Variants in SDHAF1 observed in about 807,000 individuals in gnomAD.
SDHAF1 encodes succinate dehydrogenase assembly factor 1, mitochondrial.
For missense variants in SDHAF1, 198 were observed against 179.0 expected, an observed-to-expected ratio of 1.11 and a Z score of -0.61; for synonymous variants, 81 against 85.8, an observed-to-expected ratio of 0.94 and a Z score of 0.31.
At position 35,995,405 on chromosome 19, in the gene SDHAF1, G is replaced by A. The variant is rs781733336; in HGVS notation, c.131G>A (p.Arg44Gln). Residue 44 changes from arginine to glutamine, a missense_variant, in exon 1 of 1, where the codon CGG becomes CAG. Physicochemically the swap from Arg to Gln is conservative, Grantham distance 43. Transcript: ENST00000378887. Reference protein sequence around the residue: ...AEFRQHAGLPRSDVLRIEYLY... With the variant: ...AEFRQHAGLPQSDVLRIEYLY... The stretch of plus-strand genomic sequence containing the variant: ...TTCCGGCAGCATGCGGGCCTGCCGC[G>A]GTCCGACGTGCTGCGCATCGAGTAC... 1.3e-6 allele frequency: 2 copies of A among 1,565,152 alleles called. No individual in the cohort carries two copies. Among genetic ancestry groups the A allele is most frequent in the Non-Finnish European group, 8.6e-7 (1 of 1,163,536 alleles).
Position 35,995,519 on chromosome 19 carries a change from C to T in SDHAF1, c.245C>T (p.Thr82Ile). ...MGAFVRPRAP[T>I]GEPGGVGCQP... ...GCCTTCGTACGCCCGCGGGCCCCGA[C>T]CGGGGAGCCTGGCGGCGTGGGTTGC... Residue 82 changes from threonine to isoleucine, a missense_variant, in exon 1 of 1, where the codon ACC becomes ATC. Transcript: ENST00000378887. The T allele has an allele frequency of 6.5e-7, 1 of 1,534,528 alleles. No individual in the cohort carries two copies. Among genetic ancestry groups the T allele is most frequent in the Non-Finnish European group, 8.7e-7 (1 of 1,146,086 alleles).
Position 35,995,643 on chromosome 19 carries a change from C to T in SDHAF1, c.*21C>T. 2 of 1,529,424 alleles carry T rather than the reference C, an allele frequency of 1.3e-6. No individual in the cohort carries two copies. Among genetic ancestry groups the T allele is most frequent in the South Asian group, 1.2e-5 (1 of 83,604 alleles). 94.7% of individuals were successfully genotyped at this position (1,529,424 alleles called of 1,614,324 possible). A position where few individuals can be genotyped will look rare whatever the true frequency, so the allele number is the denominator to read the frequency against. On this transcript the variant is annotated 3_prime_UTR_variant, in exon 1 of 1. Coordinates refer to ENST00000378887, the MANE Select transcript of SDHAF1 (RefSeq NM_001042631.3). ...GGTGACAGGCGAAGAGCCGAACTCG[C>T]TCGATGGCGTGGTGGAGCCAGGAGG...
chr19:35,995,403 G>C lies in SDHAF1; in HGVS notation c.129G>C (p.Pro43=). 1 of 1,564,530 alleles carries C rather than the reference G, an allele frequency of 6.4e-7. No individual in the cohort carries two copies. The highest frequency in any genetic ancestry group is 1.1e-5 in the South Asian group (1 of 87,408). Residue 43 remains proline, a synonymous_variant, in exon 1 of 1, where the codon CCG becomes CCC. Transcript: ENST00000378887. Reference sequence around the variant, plus strand: ...AGTTCCGGCAGCATGCGGGCCTGCCGCGGTCCGACGTGCTGCGCATCGAGT... The same window carrying C: ...AGTTCCGGCAGCATGCGGGCCTGCCCCGGTCCGACGTGCTGCGCATCGAGT... ...RAEFRQHAGL[P]RSDVLRIEYL...
Position 35,995,787 on chromosome 19 carries a change from G to T in SDHAF1, c.*165G>T. On this transcript the variant is annotated 3_prime_UTR_variant, in exon 1 of 1. Transcript: ENST00000378887. ...CTTGGCGACGCAGGGGGCCTAGAGA[G>T]CCCCGTGATGGACGGCAAGGGAGGC... 1.6e-6 allele frequency: 1 copy of T among 616,076 alleles called. No homozygotes were observed. The highest frequency in any genetic ancestry group is 2.0e-5 in the South Asian group (1 of 48,906). The allele number at this position is 616,076 out of a possible 1,614,324, so 38.2% of individuals were successfully genotyped here. A position where few individuals can be genotyped will look rare whatever the true frequency, so the allele number is the denominator to read the frequency against.
chr19:35,995,693 G>C lies in SDHAF1; in HGVS notation c.*71G>C, dbSNP rs1156694751. On this transcript the variant is annotated 3_prime_UTR_variant, in exon 1 of 1. Coordinates refer to ENST00000378887, the MANE Select transcript of SDHAF1 (RefSeq NM_001042631.3). Reference sequence around the variant, plus strand: ...GCTCGCCTGACTGCATGGGGGGACTGGGGAACCCGCCTAAGGTGAGAGGTC... The same window carrying C: ...GCTCGCCTGACTGCATGGGGGGACTCGGGAACCCGCCTAAGGTGAGAGGTC... 4.9e-6 allele frequency: 6 copies of C among 1,218,626 alleles called. No homozygotes were observed. The highest frequency in any genetic ancestry group is 7.1e-6 in the Non-Finnish European group (6 of 846,284). The allele number at this position is 1,218,626 out of a possible 1,614,324, so 75.5% of individuals were successfully genotyped here.
In SDHAF1 at chr19:35,995,493, C is replaced by T. The variant is rs778625352; in HGVS notation, c.219C>T (p.Gly73=). 2.6e-6 allele frequency: 4 copies of T among 1,540,840 alleles called. No individual in the cohort carries two copies. Among genetic ancestry groups the T allele is most frequent in the Non-Finnish European group, 3.5e-6 (4 of 1,150,390 alleles). ...GCTCGGGCCACGCCACCGCCATGGG[C>T]GCCTTCGTACGCCCGCGGGCCCCGA... is the stretch of plus-strand genomic sequence containing the variant. ...LLRSGHATAM[G]AFVRPRAPTG... The change falls in exon 1 of 1, where the codon GGC becomes GGT. Residue 73 remains glycine (G), a synonymous_variant. Coordinates refer to ENST00000378887, the MANE Select transcript of SDHAF1 (RefSeq NM_001042631.3).
rs943784598 is a variant in SDHAF1 at position 35,995,946 on chromosome 19, C to T, written c.*324C>T. ...CGAAGGTACGGGGAGCCAGGACGAC[C>T]CCCGGTGGACAGGGAGAGCCTGAGA... On this transcript the variant is annotated 3_prime_UTR_variant, in exon 1 of 1. Transcript: ENST00000378887. The T allele has an allele frequency of 9.9e-6, 4 of 402,254 alleles. No homozygotes were observed. The Admixed American group carries it at 1.4e-4, about 14-fold the overall frequency. The allele number at this position is 402,254 out of a possible 1,614,324, so 24.9% of individuals were successfully genotyped here.
In SDHAF1 at chr19:35,995,999, A is replaced by T. The variant is rs1393096182; in HGVS notation, c.*377A>T. The T allele has an allele frequency of 3.9e-6, 1 of 257,974 alleles. No individual in the cohort carries two copies. Among genetic ancestry groups the T allele is most frequent in the Non-Finnish European group, 8.0e-6 (1 of 124,772 alleles). 16.0% of individuals were successfully genotyped at this position (257,974 alleles called of 1,614,324 possible). On this transcript the variant is annotated 3_prime_UTR_variant, in exon 1 of 1. Transcript: ENST00000378887. ...CCCTTCTCTTGACCCCTGAGAACAT[A>T]CCCACTTCTGGCTCCTCAAGGAGTC... is the stretch of plus-strand genomic sequence containing the variant.
chr19:35,995,217 G>A lies in SDHAF1; in HGVS notation c.-58G>A. On this transcript the variant is annotated 5_prime_UTR_variant, in exon 1 of 1. In the 5' UTR this introduces an upstream ATG that the reference lacks. Transcript: ENST00000378887. Reference sequence around the variant, plus strand: ...CTTTGCCCTTTGGCCTTTGCTGGCTGTGTGGCGGCTCCGCGGTTCGCAGGT... The same window carrying A: ...CTTTGCCCTTTGGCCTTTGCTGGCTATGTGGCGGCTCCGCGGTTCGCAGGT... The A allele has an allele frequency of 7.8e-7, 1 of 1,285,160 alleles. No individual in the cohort carries two copies. The highest frequency in any genetic ancestry group is 1.1e-6 in the Non-Finnish European group (1 of 928,372). The allele number at this position is 1,285,160 out of a possible 1,614,324, so 79.6% of individuals were successfully genotyped here.
In SDHAF1 at chr19:35,995,383, C is replaced by T. The variant is rs779371180; in HGVS notation, c.109C>T (p.Arg37Trp). Residue 37 changes from arginine to tryptophan, a missense_variant, in exon 1 of 1, where the codon CGG (arginine) becomes TGG (tryptophan). By Grantham distance (101) the Arg-to-Trp change is moderately radical. Transcript: ENST00000378887. ...GAEARVRAEF[R>W]QHAGLPRSDV... ...CGAGGCGCGAGTGCGGGCAGAGTTC[C>T]GGCAGCATGCGGGCCTGCCGCGGTC... is the stretch of plus-strand genomic sequence containing the variant. The T allele has an allele frequency of 1.7e-5, 27 of 1,558,670 alleles. 1 individual carries two copies. The highest frequency in any genetic ancestry group is 1.9e-4 in the Middle Eastern group (1 of 5,210).
At position 35,995,631 on chromosome 19, in the gene SDHAF1, G is replaced by A. The variant is rs758077415; in HGVS notation, c.*9G>A. On this transcript the variant is annotated 3_prime_UTR_variant, in exon 1 of 1. Transcript: ENST00000378887. ...GCCCCGACGGACGGTGACAGGCGAAGAGCCGAACTCGCTCGATGGCGTGGT... is the reference window on the plus strand; with the variant it reads ...GCCCCGACGGACGGTGACAGGCGAAAAGCCGAACTCGCTCGATGGCGTGGT... 6.5e-7 allele frequency: 1 copy of A among 1,543,674 alleles called. No homozygotes were observed. Among genetic ancestry groups the A allele is most frequent in the African/African-American group, 1.4e-5 (1 of 72,766 alleles).
Position 35,995,428 on chromosome 19 carries a change from T to G in SDHAF1, c.154T>G (p.Tyr52Asp). The G allele has an allele frequency of 6.4e-7, 1 of 1,571,124 alleles. No homozygotes were observed. The highest frequency in any genetic ancestry group is 8.6e-7 in the Non-Finnish European group (1 of 1,166,448). The part of the protein sequence containing the change: ...LPRSDVLRIE[Y>D]LYRRGRRQLQ... ...GCGGTCCGACGTGCTGCGCATCGAG[T>G]ACCTGTACCGCCGCGGGCGGCGCCA... The change falls in exon 1 of 1, where the codon TAC (tyrosine) becomes GAC (aspartate). Residue 52 changes from tyrosine (Y) to aspartate (D), a missense_variant. Tyr to Asp is a radical substitution (Grantham distance 160). Transcript: ENST00000378887.
Position 35,995,921 on chromosome 19 carries a change from C to A in SDHAF1, c.*299C>A. On this transcript the variant is annotated 3_prime_UTR_variant, in exon 1 of 1. Coordinates refer to ENST00000378887, the MANE Select transcript of SDHAF1 (RefSeq NM_001042631.3). ...AGTGTCAAGCCAAGAGCTACTTGCC[C>A]GAAGGTACGGGGAGCCAGGACGACC... 1 of 447,288 alleles carries A rather than the reference C, an allele frequency of 2.2e-6. No homozygotes were observed. Among genetic ancestry groups the A allele is most frequent in the Admixed American group, 4.3e-5 (1 of 23,390 alleles). 27.7% of individuals were successfully genotyped at this position (447,288 alleles called of 1,614,324 possible). A position where few individuals can be genotyped will look rare whatever the true frequency, so the allele number is the denominator to read the frequency against.
Position 35,995,645 on chromosome 19 carries a change from C to T in SDHAF1, c.*23C>T, listed in dbSNP as rs541034058. Reference sequence around the variant, plus strand: ...TGACAGGCGAAGAGCCGAACTCGCTCGATGGCGTGGTGGAGCCAGGAGGCT... The same window carrying T: ...TGACAGGCGAAGAGCCGAACTCGCTTGATGGCGTGGTGGAGCCAGGAGGCT... On this transcript the variant is annotated 3_prime_UTR_variant, in exon 1 of 1. Transcript: ENST00000378887. 11 of 1,526,944 alleles carry T rather than the reference C, an allele frequency of 7.2e-6. No homozygotes were observed. In the South Asian group the frequency reaches 1.1e-4, roughly 15 times the overall value. 94.6% of individuals were successfully genotyped at this position (1,526,944 alleles called of 1,614,324 possible).
chr19:35,995,216 T>A lies in SDHAF1; in HGVS notation c.-59T>A, dbSNP rs1236478629. 2.4e-6 allele frequency: 3 copies of A among 1,273,284 alleles called. No individual in the cohort carries two copies. In the Admixed American group the frequency reaches 6.2e-5, roughly 26 times the overall value. 78.9% of individuals were successfully genotyped at this position (1,273,284 alleles called of 1,614,324 possible). A position where few individuals can be genotyped will look rare whatever the true frequency, so the allele number is the denominator to read the frequency against. On this transcript the variant is annotated 5_prime_UTR_variant, in exon 1 of 1. Transcript: ENST00000378887. The stretch of plus-strand genomic sequence containing the variant: ...GCTTTGCCCTTTGGCCTTTGCTGGC[T>A]GTGTGGCGGCTCCGCGGTTCGCAGG...
Position 35,995,742 on chromosome 19 carries a change from G to C in SDHAF1, c.*120G>C, listed in dbSNP as rs1048814248. Reference sequence around the variant, plus strand: ...TCTTAAGAGACTAGCTTGACGAATTGGGGATGTCAGAGACTCCTCCTTGGC... The same window carrying C: ...TCTTAAGAGACTAGCTTGACGAATTCGGGATGTCAGAGACTCCTCCTTGGC... On this transcript the variant is annotated 3_prime_UTR_variant, in exon 1 of 1. Coordinates refer to ENST00000378887, the MANE Select transcript of SDHAF1 (RefSeq NM_001042631.3). 6.4e-6 allele frequency: 5 copies of C among 779,180 alleles called. No individual in the cohort carries two copies. In the Admixed American group the frequency reaches 1.2e-4, roughly 19 times the overall value. The allele number at this position is 779,180 out of a possible 1,614,324, so 48.3% of individuals were successfully genotyped here.
Position 35,995,853 on chromosome 19 carries a change from C to G in SDHAF1, c.*231C>G, listed in dbSNP as rs1976662713. The G allele has an allele frequency of 1.8e-6, 1 of 567,912 alleles. No individual in the cohort carries two copies. The highest frequency in any genetic ancestry group is 2.0e-5 in the African/African-American group (1 of 50,262). The allele number at this position is 567,912 out of a possible 1,614,324, so 35.2% of individuals were successfully genotyped here. On this transcript the variant is annotated 3_prime_UTR_variant, in exon 1 of 1. Transcript: ENST00000378887. ...CTTGGAGACAGGTCGGTGCTCCTCC[C>G]CCATGAGGGCTTGGGGCGGCCTGGG... is the stretch of plus-strand genomic sequence containing the variant.
rs994273393 is a variant in SDHAF1 at position 35,995,792 on chromosome 19, G to T, written c.*170G>T. Reference sequence around the variant, plus strand: ...CGACGCAGGGGGCCTAGAGAGCCCCGTGATGGACGGCAAGGGAGGCCCGCC... The same window carrying T: ...CGACGCAGGGGGCCTAGAGAGCCCCTTGATGGACGGCAAGGGAGGCCCGCC... On this transcript the variant is annotated 3_prime_UTR_variant, in exon 1 of 1. Coordinates refer to ENST00000378887, the MANE Select transcript of SDHAF1 (RefSeq NM_001042631.3). The T allele has an allele frequency of 8.2e-6, 5 of 607,876 alleles. No homozygotes were observed. The East Asian group carries it at 1.5e-4, about 19-fold the overall frequency. 37.7% of individuals were successfully genotyped at this position (607,876 alleles called of 1,614,324 possible). A position where few individuals can be genotyped will look rare whatever the true frequency, so the allele number is the denominator to read the frequency against.
chr19:35,995,849 C>T lies in SDHAF1; in HGVS notation c.*227C>T. On this transcript the variant is annotated 3_prime_UTR_variant, in exon 1 of 1. Coordinates refer to ENST00000378887, the MANE Select transcript of SDHAF1 (RefSeq NM_001042631.3). Reference sequence around the variant, plus strand: ...GATGCTTGGAGACAGGTCGGTGCTCCTCCCCCATGAGGGCTTGGGGCGGCC... The same window carrying T: ...GATGCTTGGAGACAGGTCGGTGCTCTTCCCCCATGAGGGCTTGGGGCGGCC... 1.7e-6 allele frequency: 1 copy of T among 571,656 alleles called. No homozygotes were observed. 35.4% of individuals were successfully genotyped at this position (571,656 alleles called of 1,614,324 possible).
Sources: allele counts gnomAD v4.1 joint callset, GRCh38; gene constraint gnomAD v4.1.1; transcripts MANE v1.5; gene names NCBI Gene and HGNC (gene_info 2026-07-23, HGNC 2026-07-21).